Variants in SH3BGRL2 observed in about 807,000 individuals in gnomAD.
SH3BGRL2 encodes the protein SH3 domain binding glutamate rich protein like 2.
In SH3BGRL2, 21 loss-of-function variants were observed where a neutral mutation model predicts 14.8. The observed-to-expected ratio is 1.42, with a 90% CI of 1.01 to 2.05. SH3BGRL2 has a LOEUF of 2.05. Among genes scored for constraint, SH3BGRL2 ranks in the 30% most tolerant of loss-of-function variants. The pLI is 0.00. For missense variants in SH3BGRL2, 147 were observed against 130.8 expected, an observed-to-expected ratio of 1.12 and a Z score of -0.61; for synonymous variants, 50 against 47.8, an observed-to-expected ratio of 1.05 and a Z score of -0.19.
intron 2 of SH3BGRL2, among the ~76,000 whole-genome samples, chr6:79,676,788 A>G (rs1290147523): frequency 6.6e-6 from 1 of 152,292 alleles, no homozygotes; most frequent in African/African-American, 2.4e-5. Flanking sequence ...ATAGAAGAAT[A>G]TAATGTAAAA....
chr6:79,648,279 T>TATATATAAATAA, intron 1 of SH3BGRL2, among the ~76,000 whole-genome samples: 1 of 117,172 alleles, frequency 8.5e-6, no homozygotes, highest in Non-Finnish European at 1.7e-5. Flanking sequence ...TATATATATA[T>TATATATAAATAA]ATATTTGACA....
the SH3BGRL2 span, among the ~76,000 whole-genome samples, chr6:79,585,772 T>C: frequency 6.6e-6 from 1 of 152,140 alleles, no homozygotes; most frequent in Non-Finnish European, 1.5e-5. Flanking sequence ...TTTGCTTTTT[T>C]TTTTTCCTTT....
chr6:79,545,740 C>G, the SH3BGRL2 span, among the ~76,000 whole-genome samples: 3 of 152,148 alleles, frequency 2.0e-5, no homozygotes, highest in African/African-American at 7.2e-5. Context: ...CCACTTAATA[C>G]TAGTGGTACT....
chr6:79,666,735 T>G (rs369812737), intron 1 of SH3BGRL2, among the ~76,000 whole-genome samples: 1 of 152,180 alleles, frequency 6.6e-6, no homozygotes, highest in Non-Finnish European at 1.5e-5. Context: ...AACTTTTCCC[T>G]TCTATTTTCT....
the SH3BGRL2 span, among the ~76,000 whole-genome samples, chr6:79,539,588 C>T: frequency 6.6e-6 from 1 of 152,194 alleles, no homozygotes; most frequent in Admixed American, 6.5e-5. Context: ...TGTTCATTTT[C>T]TGTAGGACTT....
chr6:79,658,913 T>C (rs1009886110), intron 1 of SH3BGRL2, among the ~76,000 whole-genome samples: 2 of 152,256 alleles, frequency 1.3e-5, no homozygotes, highest in African/African-American at 2.4e-5. Context: ...CATTTTTTCA[T>C]GTGTCCGTTG....
intron 1 of SH3BGRL2, among the ~76,000 whole-genome samples, chr6:79,649,023 A>G (rs1248290237): frequency 3.9e-5 from 6 of 152,218 alleles, no homozygotes; most frequent in Non-Finnish European, 8.8e-5. Flanking sequence ...TTCATTCTAC[A>G]TTCTTCATGG....
the SH3BGRL2 span, among the ~76,000 whole-genome samples, chr6:79,615,848 T>C: frequency 6.7e-6 from 1 of 150,320 alleles, no homozygotes; most frequent in South Asian, 2.1e-4. Context: ...TTTTTTTTTT[T>C]TAGACAAGAG....
the SH3BGRL2 span, among the ~76,000 whole-genome samples, chr6:79,613,582 C>T: frequency 2.0e-5 from 3 of 152,076 alleles, no homozygotes; most frequent in African/African-American, 7.2e-5. Flanking sequence ...TCAGATAATT[C>T]GACTTCAGTT....
At chr6:79,639,616 C>A (rs1768992461) in intron 1 of SH3BGRL2, among the ~76,000 whole-genome samples, 1 of 152,072 alleles carries the variant, frequency 6.6e-6, no homozygotes, top group South Asian at 2.1e-4. Context: ...AAACCATCAC[C>A]ACCAACAACA....
the SH3BGRL2 span, among the ~76,000 whole-genome samples, chr6:79,544,420 G>C: frequency 5.3e-5 from 8 of 152,170 alleles, no homozygotes; most frequent in Non-Finnish European, 7.3e-5. Context: ...GCTGGTACTA[G>C]CTTGCAAAAG....
chr6:79,554,655 A>G, the SH3BGRL2 span, among the ~76,000 whole-genome samples: 6 of 152,222 alleles, frequency 3.9e-5, no homozygotes, highest in Admixed American at 3.3e-4. Context: ...ACAATACCAA[A>G]CTGCATTTTT....
chr6:79,624,179 C>T, the SH3BGRL2 span, among the ~76,000 whole-genome samples: 1 of 151,726 alleles, frequency 6.6e-6, no homozygotes, highest in Non-Finnish European at 1.5e-5. Flanking sequence ...CAGCAATAAT[C>T]AACATTGAAT....
chr6:79,577,062 C>G, the SH3BGRL2 span, among the ~76,000 whole-genome samples: 1 of 152,056 alleles, frequency 6.6e-6, no homozygotes, highest in African/African-American at 2.4e-5. Flanking sequence ...GGTTCTCTTC[C>G]CTCTCTCTGT....
the SH3BGRL2 span, among the ~76,000 whole-genome samples, chr6:79,621,041 G>T: frequency 3.3e-5 from 5 of 151,976 alleles, no homozygotes; most frequent in Admixed American, 2.0e-4. Context: ...GGGATTACAG[G>T]TGTGAGCCAC....
At chr6:79,639,443 G>A (rs944882899) in intron 1 of SH3BGRL2, among the ~76,000 whole-genome samples, 1 of 152,008 alleles carries the variant, frequency 6.6e-6, no homozygotes, top group Non-Finnish European at 1.5e-5. Context: ...ATAAAAATTA[G>A]CGGGGCATGG....
At chr6:79,606,175 C>T in the SH3BGRL2 span, among the ~76,000 whole-genome samples, 58 of 152,200 alleles carry the variant, frequency 3.8e-4, no homozygotes, top group African/African-American at 1.4e-3. Context: ...CTGTTGATCT[C>T]TGGTGGGAAT....
At chr6:79,549,680 A>G in the SH3BGRL2 span, among the ~76,000 whole-genome samples, 1 of 152,212 alleles carries the variant, frequency 6.6e-6, no homozygotes, top group African/African-American at 2.4e-5. Context: ...TTTTAAAATA[A>G]CAAAAATCAG....
chr6:79,620,706 GAGAGA>G, the SH3BGRL2 span, among the ~76,000 whole-genome samples: 97 of 152,170 alleles, frequency 6.4e-4, no homozygotes, highest in Non-Finnish European at 8.8e-4. Flanking sequence ...GGGGAAGAGG[GAGAGA>G]AGAGAAGAGG....
Sources: gnomAD v4.1 joint callset for allele counts (sites outside exome capture counted in the v4.1 genomes callset) on GRCh38, gnomAD v4.1.1 for gene constraint, MANE v1.5 for transcripts, NCBI Gene and HGNC (gene_info 2026-07-23, HGNC 2026-07-21) for gene names.